RSPH4A: variants seen among roughly 807,000 people sequenced by gnomAD.
RSPH4A encodes the protein radial spoke head component 4A, also known as radial spoke head protein 4 homolog A.
In RSPH4A, 47 loss-of-function variants were observed where a neutral mutation model predicts 71.0. The observed-to-expected ratio is 0.66, with a 90% confidence interval of 0.52 to 0.84. The LOEUF is 0.84. Among genes scored for constraint, RSPH4A ranks in the 40% least tolerant of loss-of-function variants. The pLI is 0.00. For synonymous variants in RSPH4A, 282 were observed against 302.3 expected (o/e 0.93, Z 0.70); for missense variants, 793 against 855.2 (o/e 0.93, Z 0.91).
At position 116,629,592 on chromosome 6, in the gene RSPH4A, T is replaced by C. The variant is rs372876152; in HGVS notation, c.1688T>C (p.Ile563Thr). 2.0e-5 allele frequency: 32 copies of C among 1,612,692 alleles called. No homozygotes were observed. Among genetic ancestry groups the C allele is most frequent in the Non-Finnish European group, 2.6e-5 (31 of 1,178,944 alleles). The change falls in exon 4 of 6, where the codon ATA becomes ACA. Residue 563 changes from isoleucine (I) to threonine (T), a missense_variant. Physicochemically the swap from Ile to Thr is moderately conservative, Grantham distance 89. Coordinates refer to ENST00000229554, the MANE Select transcript of RSPH4A (RefSeq NM_001010892.3). Reference sequence around the variant, plus strand: ...GGTCGCTGTAATTGGTTCAACTCCATACAAAAAAATGAGGAAGAAGAAGAG... The same window carrying C: ...GGTCGCTGTAATTGGTTCAACTCCACACAAAAAAATGAGGAAGAAGAAGAG... ...SQGRCNWFNS[I>T]QKNEEEEEEE...
In RSPH4A at chr6:116,623,014, C is replaced by T; in HGVS notation, c.921+12C>T. Reference sequence around the variant, plus strand: ...TGGAAGATGAAATAGTAAGTCACTACTACAAATTTTAATAATAAACCTTAG... The same window carrying T: ...TGGAAGATGAAATAGTAAGTCACTATTACAAATTTTAATAATAAACCTTAG... On this transcript the variant is annotated intron_variant, in intron 2 of 5. Transcript: ENST00000229554. 6.8e-7 allele frequency: 1 copy of T among 1,472,880 alleles called. No individual in the cohort carries two copies. Among genetic ancestry groups the T allele is most frequent in the Non-Finnish European group, 9.5e-7 (1 of 1,051,320 alleles). The allele number at this position is 1,472,880 out of a possible 1,614,324, so 91.2% of individuals were successfully genotyped here. A position where few individuals can be genotyped will look rare whatever the true frequency, so the allele number is the denominator to read the frequency against.
At chr6:116,621,547 G>A (rs1775608921) in intron 1 of RSPH4A, among the ~76,000 whole-genome samples, 1 of 152,126 alleles carries the variant, frequency 6.6e-6, no homozygotes, top group Non-Finnish European at 1.5e-5. Context: ...AAATATATAT[G>A]TATAAAATTT....
rs1775777630 is a variant in RSPH4A at position 116,630,516 on chromosome 6, A to G, written c.1880A>G (p.Asn627Ser). 2 of 1,607,056 alleles carry G rather than the reference A, an allele frequency of 1.2e-6. No homozygotes were observed. Among genetic ancestry groups the G allele is most frequent in the Non-Finnish European group, 1.7e-6 (2 of 1,173,920 alleles). The change falls in exon 5 of 6, where the codon AAC becomes AGC. Residue 627 changes from asparagine (N) to serine (S), a missense_variant. By Grantham distance (46) the Asn-to-Ser change is conservative. Coordinates refer to ENST00000229554, the MANE Select transcript of RSPH4A (RefSeq NM_001010892.3). ...PQYAIAVLQS[N>S]LWPGAYAFSN... ...TATGCTATTGCAGTCCTTCAATCCA[A>G]CCTTTGGCCTGGAGCATATGCCTTC... is the stretch of plus-strand genomic sequence containing the variant.
In RSPH4A at chr6:116,622,764, A is replaced by G; in HGVS notation, c.687-4A>G. 6.5e-7 allele frequency: 1 copy of G among 1,546,476 alleles called. No homozygotes were observed. Among genetic ancestry groups the G allele is most frequent in the Non-Finnish European group, 8.9e-7 (1 of 1,119,284 alleles). ...ATTATCTGGAATTTTCTCTGTTTGG[A>G]TAGATATGATCATCTTTCTAATATG... On this transcript the variant is annotated splice_region_variant and splice_polypyrimidine_tract_variant and intron_variant, in intron 1 of 5. Coordinates refer to ENST00000229554, the MANE Select transcript of RSPH4A (RefSeq NM_001010892.3).
intron 2 of RSPH4A, among the ~76,000 whole-genome samples, chr6:116,625,417 G>A (rs1402809319): frequency 6.6e-6 from 1 of 152,170 alleles, no homozygotes; most frequent in Non-Finnish European, 1.5e-5. Flanking sequence ...CAAACAGAGT[G>A]CTTAAAGCCA....
Position 116,622,837 on chromosome 6 carries a change from T to C in RSPH4A, c.756T>C (p.Phe252=), listed in dbSNP as rs1775631956. The change falls in exon 2 of 6, where the codon TTT becomes TTC. Residue 252 remains phenylalanine (F), a synonymous_variant. Coordinates refer to ENST00000229554, the MANE Select transcript of RSPH4A (RefSeq NM_001010892.3). ...GTCCTGAAAATGCTGTTGACATCTT[T>C]GAAAATATTAGCCAAGATGTGAAGA... ...NERPENAVDI[F]ENISQDVKMA... is the part of the protein sequence containing the mutation. 1 of 1,613,348 alleles carries C rather than the reference T, an allele frequency of 6.2e-7. No homozygotes were observed. The highest frequency in any genetic ancestry group is 1.3e-5 in the African/African-American group (1 of 74,896).
At position 116,632,817 on chromosome 6, in the gene RSPH4A, G is replaced by A. The variant is rs143428479; in HGVS notation, c.*376G>A. On this transcript the variant is annotated 3_prime_UTR_variant, in exon 6 of 6. Coordinates refer to ENST00000229554, the MANE Select transcript of RSPH4A (RefSeq NM_001010892.3). ...TGGTCTCAGGTTTAATTTGTAATAC[G>A]ACAAACACTGGAAGATATAACCCAC... The A allele has an allele frequency of 2.8e-3, 625 of 219,386 alleles. 3 individuals are homozygous for A. Among genetic ancestry groups the A allele is most frequent in the African/African-American group, 0.014 (594 of 43,052 alleles). The allele number at this position is 219,386 out of a possible 1,614,324, so 13.6% of individuals were successfully genotyped here. A position where few individuals can be genotyped will look rare whatever the true frequency, so the allele number is the denominator to read the frequency against.
At position 116,632,275 on chromosome 6, in the gene RSPH4A, C is replaced by T; in HGVS notation, c.1985C>T (p.Pro662Leu). The T allele has an allele frequency of 6.2e-7, 1 of 1,612,784 alleles. No homozygotes were observed. Residue 662 changes from proline to leucine, a missense_variant, in exon 6 of 6, where the codon CCA becomes CTA. By Grantham distance (98) the Pro-to-Leu change is moderately conservative. Coordinates refer to ENST00000229554, the MANE Select transcript of RSPH4A (RefSeq NM_001010892.3). ...CCAGACAATTATACACCCCCAGTTC[C>T]ACCACCAGTTTATCAAGAATACCCC... ...YSPDNYTPPV[P>L]PPVYQEYPSG... is the part of the protein sequence containing the mutation.
chr6:116,626,402 C>T (rs145089429), intron 2 of RSPH4A, among the ~76,000 whole-genome samples: 1 of 152,028 alleles, frequency 6.6e-6, no homozygotes, highest in South Asian at 2.1e-4. Context: ...AGTGCAGTGG[C>T]GCGATCTCGG....
rs141807210 is a variant in RSPH4A, at chr6:116,629,652, T to C, written c.1748T>C (p.Ile583Thr). 2.1e-5 allele frequency: 34 copies of C among 1,613,186 alleles called. No individual in the cohort carries two copies. Among genetic ancestry groups the C allele is most frequent in the African/African-American group, 2.7e-5 (2 of 74,922 alleles). The change falls in exon 4 of 6, where the codon ATA becomes ACA. Residue 583 changes from isoleucine (I) to threonine (T), a missense_variant. Physicochemically the swap from Ile to Thr is moderately conservative, Grantham distance 89. Transcript: ENST00000229554. ...GAAGAAAAAGACGATTCTGACTACA[T>C]AGAACAGGAAGTGGGGCTTCCTCTT... ...EDEEKDDSDYIEQEVGLPLLT... is the reference protein window; with the variant it reads ...EDEEKDDSDYTEQEVGLPLLT...
At chr6:116,621,425 A>G (rs1260408729) in intron 1 of RSPH4A, among the ~76,000 whole-genome samples, 6 of 152,256 alleles carry the variant, frequency 3.9e-5, no homozygotes, top group Non-Finnish European at 8.8e-5. Flanking sequence ...GTCAATTAAT[A>G]GAAAGTAGAC....
intron 5 of RSPH4A, 103 bp downstream of exon 5, chr6:116,630,655 T>C: frequency 1.6e-6 from 1 of 627,772 alleles, no homozygotes; most frequent in Non-Finnish European, 2.9e-6. Context: ...TTTCTTTGGT[T>C]TTTTTTTTCG....
intron 5 of RSPH4A, among the ~76,000 whole-genome samples, chr6:116,630,775 C>T (rs1446355926): frequency 7.2e-6 from 1 of 138,490 alleles, no homozygotes; most frequent in East Asian, 2.2e-4. Context: ...TGGGTTCAAG[C>T]CATTCTCCTG....
In RSPH4A at chr6:116,629,768, T is replaced by C. The variant is rs1246135258; in HGVS notation, c.1798+66T>C. ...AATATAATATACTGTGTGCATTATA[T>C]AGTAAATATGAGAGTCGGAAAGCTC... On this transcript the variant is annotated intron_variant, in intron 4 of 5. Coordinates refer to ENST00000229554, the MANE Select transcript of RSPH4A (RefSeq NM_001010892.3). 4 of 1,424,702 alleles carry C rather than the reference T, an allele frequency of 2.8e-6. 1 individual carries two copies. Among genetic ancestry groups the C allele is most frequent in the East Asian group, 4.6e-5 (2 of 43,878 alleles). 88.3% of individuals were successfully genotyped at this position (1,424,702 alleles called of 1,614,324 possible).
At chr6:116,625,888 G>A (rs1442547870) in intron 2 of RSPH4A, among the ~76,000 whole-genome samples, 2 of 152,180 alleles carry the variant, frequency 1.3e-5, no homozygotes, top group East Asian at 3.9e-4. Flanking sequence ...TTTCTCAGAA[G>A]TGGCTAGAAA....
chr6:116,616,954 G>C lies in RSPH4A; in HGVS notation c.331G>C (p.Asp111His). Residue 111 changes from aspartate (D) to histidine (H), a missense_variant, in exon 1 of 6, where the codon GAC becomes CAC. By Grantham distance (81) the Asp-to-His change is moderately conservative (BLOSUM62 -1). Coordinates refer to ENST00000229554, the MANE Select transcript of RSPH4A (RefSeq NM_001010892.3). ...AGACCTCGCGGCACCACCTCAGTCG[G>C]ACAGGACCACGAGTGTGATTCCTGA... is the stretch of plus-strand genomic sequence containing the variant. ...RQDLAAPPQS[D>H]RTTSVIPEAG... 6.2e-7 allele frequency: 1 copy of C among 1,614,216 alleles called. No homozygotes were observed. The highest frequency in any genetic ancestry group is 8.5e-7 in the Non-Finnish European group (1 of 1,180,044).
chr6:116,622,839 A>G lies in RSPH4A; in HGVS notation c.758A>G (p.Glu253Gly). ...ERPENAVDIF[E>G]NISQDVKMAH... ...CCTGAAAATGCTGTTGACATCTTTG[A>G]AAATATTAGCCAAGATGTGAAGATG... Residue 253 changes from glutamate (E) to glycine (G), a missense_variant, in exon 2 of 6, where the codon GAA becomes GGA. Physicochemically the swap from Glu to Gly is moderately conservative, Grantham distance 98. Transcript: ENST00000229554. The G allele has an allele frequency of 1.2e-6, 2 of 1,613,492 alleles. No individual in the cohort carries two copies. Among genetic ancestry groups the G allele is most frequent in the East Asian group, 4.5e-5 (2 of 44,850 alleles).
chr6:116,616,794 C>T lies in RSPH4A; in HGVS notation c.171C>T (p.Ser57=). 6.2e-7 allele frequency: 1 copy of T among 1,614,178 alleles called. No individual in the cohort carries two copies. The highest frequency in any genetic ancestry group is 1.6e-4 in the Middle Eastern group (1 of 6,062). Residue 57 remains serine, a synonymous_variant, in exon 1 of 6, where the codon AGC becomes AGT. Coordinates refer to ENST00000229554, the MANE Select transcript of RSPH4A (RefSeq NM_001010892.3). ...CAGAAACTGGACGCCAGTCCCGAAG[C>T]AGCCGTCCTTGGAGCCCGCAGTCTA... The part of the protein sequence containing the change: ...QGPETGRQSR[S]SRPWSPQSRA...
At chr6:116,630,759 G>A (rs1239598508) in intron 5 of RSPH4A, among the ~76,000 whole-genome samples, 2 of 121,226 alleles carry the variant, frequency 1.6e-5, no homozygotes, top group South Asian at 5.8e-4. Context: ...TGCAACCTCC[G>A]CCTCCTGGGT....
Sources: gnomAD v4.1 joint callset for allele counts (sites outside exome capture counted in the v4.1 genomes callset) on GRCh38, gnomAD v4.1.1 for gene constraint, MANE v1.5 for transcripts, NCBI Gene and HGNC (gene_info 2026-07-23, HGNC 2026-07-21) for gene names.